Variants in DNAL1 observed in about 807,000 individuals in gnomAD.
The protein encoded by DNAL1 is chromosome 14 open reading frame 168.
A neutral mutation model predicts 29.4 loss-of-function variants in DNAL1; 17 were observed. That is an observed-to-expected ratio of 0.58 (90% CI 0.40 to 0.87). DNAL1 has a LOEUF of 0.87. Ranked by LOEUF, DNAL1 falls within the 40% of genes least tolerant of loss-of-function variation. DNAL1 has a pLI of 0.00. For missense variants in DNAL1, 188 were observed against 214.1 expected, an observed-to-expected ratio of 0.88 and a Z score of 0.76; for synonymous variants, 78 against 76.3, an observed-to-expected ratio of 1.02 and a Z score of -0.12.
At chr14:73,683,623 AC>A (rs564137515) in intron 5 of DNAL1, among the ~76,000 whole-genome samples, 14 of 113,938 alleles carry the variant, frequency 1.2e-4, no homozygotes, top group African/African-American at 4.7e-4. Context: ...TCAGCCCCCC[AC>A]CCCCCTCTCC....
rs922749982 is a variant in DNAL1, at chr14:73,701,288, C to A, written c.*5346C>A. On this transcript the variant is annotated 3_prime_UTR_variant, in exon 8 of 8. Transcript: ENST00000553645. ...AGGAACTGGATGTTGGTGGAAAGGA[C>A]TTCCATAGGGCAGATGGGTAAATAT... 3.3e-5 allele frequency: 5 copies of A among 152,214 alleles called. No homozygotes were observed. The highest frequency in any genetic ancestry group is 5.9e-5 in the Non-Finnish European group (4 of 68,038). 9.4% of individuals were successfully genotyped at this position (152,214 alleles called of 1,614,324 possible).
intron 4 of DNAL1, among the ~76,000 whole-genome samples, chr14:73,669,023 T>C (rs1322061960): frequency 6.6e-6 from 1 of 152,136 alleles, no homozygotes; most frequent in Non-Finnish European, 1.5e-5. Context: ...TATGTCCAAA[T>C]TGCCTCTTGT....
chr14:73,689,127 G>T (rs1892100110), intron 6 of DNAL1, among the ~76,000 whole-genome samples: 1 of 147,966 alleles, frequency 6.8e-6, no homozygotes, highest in Admixed American at 6.8e-5. Context: ...TCCGTCTCCC[G>T]GGTTCAAGCA....
At chr14:73,679,019 C>T (rs771405170) in intron 5 of DNAL1, among the ~76,000 whole-genome samples, 6 of 152,080 alleles carry the variant, frequency 3.9e-5, no homozygotes, top group Non-Finnish European at 8.8e-5. Context: ...TTTTTTGAGA[C>T]GGAGTCTCGC....
intron 2 of DNAL1, among the ~76,000 whole-genome samples, chr14:73,655,933 C>G (rs527368634): frequency 6.6e-5 from 10 of 152,282 alleles, no homozygotes; most frequent in African/African-American, 2.4e-4. Flanking sequence ...TGAACAGTTA[C>G]AATTCAGCAT....
At chr14:73,676,011 C>T (rs962317603) in intron 5 of DNAL1, among the ~76,000 whole-genome samples, 5 of 151,800 alleles carry the variant, frequency 3.3e-5, no homozygotes, top group Non-Finnish European at 5.9e-5. Flanking sequence ...GAGACTTTGT[C>T]TCGATAAATA....
intron 5 of DNAL1, among the ~76,000 whole-genome samples, chr14:73,673,566 T>C (rs1399886945): frequency 1.3e-5 from 2 of 152,192 alleles, no homozygotes; most frequent in Admixed American, 6.6e-5. Context: ...TGTGGGGTTT[T>C]GTCCAAAAGC....
chr14:73,659,821 G>A (rs1345689389), intron 3 of DNAL1, among the ~76,000 whole-genome samples: 1 of 152,088 alleles, frequency 6.6e-6, no homozygotes, highest in Admixed American at 6.6e-5. Flanking sequence ...AATATAAGCA[G>A]CACAAAGAAA....
At chr14:73,652,999 G>C (rs942608867) in intron 1 of DNAL1, among the ~76,000 whole-genome samples, 1 of 152,170 alleles carries the variant, frequency 6.6e-6, no homozygotes, top group African/African-American at 2.4e-5. Flanking sequence ...TTATTTCAAT[G>C]AACAGTTTGC....
At chr14:73,662,927 G>C (rs1891390142) in intron 4 of DNAL1, among the ~76,000 whole-genome samples, 1 of 150,202 alleles carries the variant, frequency 6.7e-6, no homozygotes, top group Admixed American at 6.7e-5. Flanking sequence ...AGCCCTATAT[G>C]CAAATTTATC....
rs550751048 is a variant in DNAL1 at position 73,698,521 on chromosome 14, T to G, written c.*2579T>G. 1 of 139,152 alleles carries G rather than the reference T, an allele frequency of 7.2e-6. No individual in the cohort carries two copies. Among genetic ancestry groups the G allele is most frequent in the Admixed American group, 7.3e-5 (1 of 13,690 alleles). The allele number at this position is 139,152 out of a possible 1,614,324, so 8.6% of individuals were successfully genotyped here. A position where few individuals can be genotyped will look rare whatever the true frequency, so the allele number is the denominator to read the frequency against. On this transcript the variant is annotated 3_prime_UTR_variant, in exon 8 of 8. Transcript: ENST00000553645. ...GATCATTTAAATTTTTTCTATTCTG[T>G]TTTTTTTTGTTTGTTTGTTTGTTTG... is the stretch of plus-strand genomic sequence containing the variant.
chr14:73,660,036 C>T (rs1055366748), intron 3 of DNAL1, among the ~76,000 whole-genome samples: 1 of 152,178 alleles, frequency 6.6e-6, no homozygotes, highest in Non-Finnish European at 1.5e-5. Flanking sequence ...AAGCAATTCT[C>T]CTGCCTCAGC....
chr14:73,686,631 G>A (rs192129690), intron 5 of DNAL1, among the ~76,000 whole-genome samples: 2 of 152,090 alleles, frequency 1.3e-5, no homozygotes, highest in Non-Finnish European at 2.9e-5. Context: ...GCTTGAGCCC[G>A]GGGGAGGTTG....
At chr14:73,675,257 ATTT>A (rs1891704843) in intron 5 of DNAL1, among the ~76,000 whole-genome samples, 1 of 151,020 alleles carries the variant, frequency 6.6e-6, no homozygotes, top group Non-Finnish European at 1.5e-5. Flanking sequence ...TTCAGTTTTG[ATTT>A]TTGTTTGCTT....
chr14:73,687,445 G>C, intron 6 of DNAL1, 60 bp downstream of exon 6: 1 of 1,455,564 alleles, frequency 6.9e-7, no homozygotes, highest in Non-Finnish European at 9.1e-7. Context: ...AATAGTCCGA[G>C]AGGGAAAAGA....
At chr14:73,688,061 C>T (rs1000173245) in intron 6 of DNAL1, among the ~76,000 whole-genome samples, 2 of 151,540 alleles carry the variant, frequency 1.3e-5, no homozygotes, top group African/African-American at 4.9e-5. Context: ...AGGTCCTGGT[C>T]CTATTAATCA....
intron 1 of DNAL1, 48 bp from the exon 2 acceptor site, chr14:73,654,799 T>C: frequency 2.7e-6 from 4 of 1,473,368 alleles, no homozygotes; most frequent in Non-Finnish European, 2.7e-6. Flanking sequence ...CATTCATACA[T>C]ACATACAACT....
rs779739841 is a variant in DNAL1 at position 73,699,224 on chromosome 14, A to T, written c.*3282A>T. The stretch of plus-strand genomic sequence containing the variant: ...TATTTTCAGTCTGTAGCCATGTGCC[A>T]CTTGAATTGTTATATGAGAGAAGGT... On this transcript the variant is annotated 3_prime_UTR_variant, in exon 8 of 8. Coordinates refer to ENST00000553645, the MANE Select transcript of DNAL1 (RefSeq NM_031427.4). 16 of 152,078 alleles carry T rather than the reference A, an allele frequency of 1.1e-4. No homozygotes were observed. Among genetic ancestry groups the T allele is most frequent in the Admixed American group, 2.6e-4 (4 of 15,264 alleles). The allele number at this position is 152,078 out of a possible 1,614,324, so 9.4% of individuals were successfully genotyped here.
chr14:73,649,395 G>C (rs1891061882), intron 1 of DNAL1, among the ~76,000 whole-genome samples: 1 of 150,338 alleles, frequency 6.7e-6, no homozygotes, highest in Non-Finnish European at 1.5e-5. Context: ...CCATTCTCCT[G>C]CCTCAGCCTC....
Sources: gnomAD v4.1 joint callset for allele counts (sites outside exome capture counted in the v4.1 genomes callset) on GRCh38, gnomAD v4.1.1 for gene constraint, MANE v1.5 for transcripts, NCBI Gene and HGNC (gene_info 2026-07-23, HGNC 2026-07-21) for gene names.